Variants in PWWP2A observed in about 807,000 individuals in gnomAD.
PWWP2A encodes PWWP domain containing 2A.
PWWP2A carries 18 observed loss-of-function variants against 48.5 expected under a neutral mutation model. That is an observed-to-expected ratio of 0.37 (90% CI 0.26 to 0.55). The LOEUF (loss-of-function observed/expected upper bound fraction) is 0.55, where lower values mean the gene tolerates loss of function less well. Ranked by LOEUF, PWWP2A falls within the 20% of genes least tolerant of loss-of-function variation. The pLI is 0.81. For missense variants in PWWP2A, 867 were observed against 976.4 expected (o/e 0.89, Z 1.49); for synonymous variants, 396 against 387.7 (o/e 1.02, Z -0.25).
intron 5 of PWWP2A, among the ~76,000 whole-genome samples, chr5:160,062,828 GTCCTCTTTT>G (rs1753464081): frequency 6.6e-6 from 1 of 151,266 alleles, no homozygotes; most frequent in African/African-American, 2.4e-5. Flanking sequence ...CCCCCTTCCT[GTCCTCTTTT>G]TCCAACCCCA....
rs116633320 is a variant in PWWP2A, at chr5:160,063,386, T to G, written c.*368+156A>C. On this transcript the variant is annotated intron_variant and NMD_transcript_variant, in intron 5 of 5. Coordinates refer to the PWWP2A transcript ENST00000524050. ...GTGTGCCACCACACCTAGCTAATTT[T>G]TAAATTTTTGTAGATACAGGGTCTC... Among the ~76,000 whole-genome samples, 695 of 152,222 alleles carry G rather than the reference T, an allele frequency of 4.6e-3. 6 individuals carry two copies. Among genetic ancestry groups the G allele is most frequent in the South Asian group, 0.017 (80 of 4,824 alleles).
Position 160,078,022 on chromosome 5 carries a change from T to G in PWWP2A, c.*133A>C. 2.7e-6 allele frequency: 2 copies of G among 741,010 alleles called. No homozygotes were observed. Among genetic ancestry groups the G allele is most frequent in the Non-Finnish European group, 4.7e-6 (2 of 429,508 alleles). 45.9% of individuals were successfully genotyped at this position (741,010 alleles called of 1,614,324 possible). A position where few individuals can be genotyped will look rare whatever the true frequency, so the allele number is the denominator to read the frequency against. Reference sequence around the variant, plus strand: ...AGCACAATTTGCAAGTGCCCCTTTATAGACTGTTGTTTTTAACCACTGCCT... The same window carrying G: ...AGCACAATTTGCAAGTGCCCCTTTAGAGACTGTTGTTTTTAACCACTGCCT... On this transcript the variant is annotated 3_prime_UTR_variant, in exon 4 of 4. Transcript: ENST00000456329. This position sits in a 1 kb window ranked among gnomAD's most constrained non-coding sequence, Gnocchi z 4.2.
intron 4 of PWWP2A, chr5:160,065,633 G>C (rs1047287379): frequency 3.2e-6 from 1 of 315,140 alleles, no homozygotes; most frequent in Non-Finnish European, 6.3e-6. Flanking sequence ...TTTCAAGCAG[G>C]GTTACTGATT....
downstream of PWWP2A, among the ~76,000 whole-genome samples, chr5:160,075,444 C>G (rs1445818607): frequency 6.6e-6 from 1 of 152,052 alleles, no homozygotes; most frequent in East Asian, 1.9e-4. Flanking sequence ...TCCTGATAAC[C>G]AAGTGTTTCT....
chr5:160,105,275 G>A (rs1030834713), intron 1 of PWWP2A, among the ~76,000 whole-genome samples: 2 of 146,888 alleles, frequency 1.4e-5, no homozygotes, highest in South Asian at 2.2e-4. Context: ...CAGGCTGGGC[G>A]CGGTGGCTCA....
Position 160,094,054 on chromosome 5 carries a change from T to C in PWWP2A, c.596A>G (p.His199Arg). 6.2e-7 allele frequency: 1 copy of C among 1,606,640 alleles called. No individual in the cohort carries two copies. The highest frequency in any genetic ancestry group is 8.5e-7 in the Non-Finnish European group (1 of 1,174,628). Residue 199 changes from histidine to arginine, a missense_variant, in exon 2 of 2, where the codon CAT (histidine) becomes CGT (arginine). His to Arg is a conservative substitution (Grantham distance 29). Coordinates refer to ENST00000307063, the MANE Select transcript of PWWP2A (RefSeq NM_001130864.2). ...LMDLSKRFGP[H>R]GIPVTVFPKR... ...GGGAAATACTGTCACAGGGATACCA[T>C]GGGGCCCAAACCTTTGAAAGAAATG...
chr5:160,050,934 A>C, the PWWP2A span, among the ~76,000 whole-genome samples: 3 of 150,708 alleles, frequency 2.0e-5, no homozygotes, highest in African/African-American at 7.3e-5. Context: ...CCCAAACAGA[A>C]CTTTTGTCTT....
chr5:160,071,055 GGTAC>G (rs1401581221), downstream of PWWP2A, among the ~76,000 whole-genome samples: 6 of 152,172 alleles, frequency 3.9e-5, no homozygotes, highest in African/African-American at 1.4e-4. Context: ...CAGGCATGGT[GGTAC>G]ACACCTGTAG....
chr5:160,079,390 A>T (rs1375921268), intron 3 of PWWP2A, among the ~76,000 whole-genome samples: 1 of 152,058 alleles, frequency 6.6e-6, no homozygotes, highest in African/African-American at 2.4e-5. Flanking sequence ...TCTAGGGACA[A>T]ATACTACACA....
chr5:160,114,534 G>A (rs190780461), intron 1 of PWWP2A, among the ~76,000 whole-genome samples: 13 of 151,824 alleles, frequency 8.6e-5, no homozygotes, highest in African/African-American at 1.7e-4. Context: ...AGGCCAAGGC[G>A]GGCGGATCAC....
At position 160,104,431 on chromosome 5, in the gene PWWP2A, T is replaced by TA. The variant is rs36095044; in HGVS notation, c.585-10367dup. ...GGATGACAGAGCAAGACCTTGCCTC[T>TA]AAAAAAAAAAAAGGACAGAGAGAGA... On this transcript the variant is annotated intron_variant, in intron 1 of 1. Coordinates refer to ENST00000307063, the MANE Select transcript of PWWP2A (RefSeq NM_001130864.2). 2.9e-3 allele frequency among the ~76,000 whole-genome samples: 410 copies of TA among 141,678 alleles called. 4 individuals are homozygous for TA. Among genetic ancestry groups the TA allele is most frequent in the Admixed American group, 0.02 (289 of 14,106 alleles). The allele number at this position is 141,678 out of a possible 152,430, so 92.9% of individuals were successfully genotyped here. A position where few individuals can be genotyped will look rare whatever the true frequency, so the allele number is the denominator to read the frequency against.
the PWWP2A span, among the ~76,000 whole-genome samples, chr5:160,050,573 G>A: frequency 6.6e-6 from 1 of 150,738 alleles, no homozygotes; most frequent in Middle Eastern, 3.6e-3. Flanking sequence ...TTGTATTGAT[G>A]CCCTCCTTTA....
downstream of PWWP2A, among the ~76,000 whole-genome samples, chr5:160,073,426 A>G (rs1270036953): frequency 1.3e-5 from 2 of 151,744 alleles, no homozygotes; most frequent in African/African-American, 4.8e-5. Flanking sequence ...ACAGAGTTTC[A>G]CCGTGTTAGC....
At chr5:160,098,995 G>GA (rs1755975681) in intron 1 of PWWP2A, among the ~76,000 whole-genome samples, 1 of 152,104 alleles carries the variant, frequency 6.6e-6, no homozygotes, top group Non-Finnish European at 1.5e-5. Context: ...TACAGTCTGT[G>GA]AAAAAACACA....
downstream of PWWP2A, chr5:160,075,805 TAAAAAAAAAA>T (rs58558222): frequency 1.9e-4 from 13 of 69,826 alleles, no homozygotes; most frequent in Middle Eastern, 0.013. Context: ...ATTCTAATAG[TAAAAAAAAAA>T]AAAAAAAAAA....
chr5:160,073,839 T>C (rs6556467), downstream of PWWP2A, among the ~76,000 whole-genome samples: 102,022 of 151,580 alleles, frequency 0.67, 34,335 homozygotes, highest in East Asian at 0.73. Flanking sequence ...TCAAAGCGGG[T>C]GGATCACTTG....
At chr5:160,051,242 T>C in the PWWP2A span, 3 of 1,354,562 alleles carry the variant, frequency 2.2e-6, no homozygotes, top group African/African-American at 1.5e-5. Flanking sequence ...GGTGGGGACA[T>C]AGCGAATACT....
At chr5:160,044,455 C>T in the PWWP2A span, among the ~76,000 whole-genome samples, 1 of 152,212 alleles carries the variant, frequency 6.6e-6, no homozygotes, top group Admixed American at 6.5e-5. Flanking sequence ...GGGTGGATTA[C>T]TCATGAGATT....
At chr5:160,085,133 A>T (rs577550626) in intron 2 of PWWP2A, among the ~76,000 whole-genome samples, 93 of 151,612 alleles carry the variant, frequency 6.1e-4, no homozygotes, top group Non-Finnish European at 1.1e-3. Flanking sequence ...GGTTCAAGTG[A>T]TTCTCCTGCC....
Sources: gnomAD v4.1 joint callset for allele counts (sites outside exome capture counted in the v4.1 genomes callset) on GRCh38, gnomAD v4.1.1 for gene constraint, Gnocchi (gnomAD v3.1) non-coding constraint, MANE v1.5 for transcripts, NCBI Gene and HGNC (gene_info 2026-07-23, HGNC 2026-07-21) for gene names.